The following HMCN1 variants were observed in gnomAD, a reference collection of about 807,000 sequenced individuals.
HMCN1 encodes hemicentin 1.
In HMCN1, 321 loss-of-function variants were observed where a neutral mutation model predicts 625.9. The ratio of observed to expected loss-of-function variants is 0.51; its 90% CI spans 0.47 to 0.56. HMCN1 has a LOEUF of 0.56. Among genes scored for constraint, HMCN1 ranks in the 20% least tolerant of loss-of-function variants. HMCN1 has a pLI of 0.00. For synonymous variants in HMCN1, 2,425 were observed against 2,417.6 expected, an observed-to-expected ratio of 1.00 and a Z score of -0.09; for missense variants, 6,588 against 6,887.3, an observed-to-expected ratio of 0.96 and a Z score of 1.54.
intron 21 of HMCN1, 125 bp downstream of exon 21, chr1:185,989,772 AT>A (rs1156913510): frequency 0.23 from 123,503 of 528,032 alleles, 882 homozygotes; most frequent in South Asian, 0.27. Context: ...CCAGATTTCT[AT>A]TTTTTTTTTT....
chr1:186,157,935 T>A (rs1204470810), intron 97 of HMCN1, among the ~76,000 whole-genome samples: 1 of 152,172 alleles, frequency 6.6e-6, no homozygotes, highest in African/African-American at 2.4e-5. Context: ...GCATCATTTA[T>A]AGTCCTTTGG....
chr1:185,999,331 T>C (rs985382302), intron 25 of HMCN1, among the ~76,000 whole-genome samples: 3 of 152,090 alleles, frequency 2.0e-5, no homozygotes, highest in Non-Finnish European at 4.4e-5. Context: ...TTAGTATAGA[T>C]TTAATGTTTA....
At chr1:186,029,838 C>T (rs1655306770) in intron 36 of HMCN1, among the ~76,000 whole-genome samples, 1 of 151,760 alleles carries the variant, frequency 6.6e-6, no homozygotes, top group South Asian at 2.1e-4. Context: ...GATTTGAGAT[C>T]TTATTTTTTA....
intron 1 of HMCN1, among the ~76,000 whole-genome samples, chr1:185,755,044 A>G (rs2102104587): frequency 6.6e-6 from 1 of 152,254 alleles, no homozygotes; most frequent in East Asian, 1.9e-4. Flanking sequence ...TGGTTAAATT[A>G]ATTAATATAT....
intron 105 of HMCN1, among the ~76,000 whole-genome samples, chr1:186,187,435 C>T (rs1169215181): frequency 6.6e-6 from 1 of 152,152 alleles, no homozygotes; most frequent in Non-Finnish European, 1.5e-5. Context: ...AACAATTTGA[C>T]ATTATAAAAC....
intron 1 of HMCN1, among the ~76,000 whole-genome samples, chr1:185,736,955 A>C (rs770211089): frequency 4.1e-4 from 62 of 152,338 alleles, no homozygotes; most frequent in African/African-American, 1.5e-3. Flanking sequence ...TCAAAGTAGA[A>C]GTGGCCAAAT....
intron 4 of HMCN1, among the ~76,000 whole-genome samples, chr1:185,874,922 T>C (rs911157606): frequency 2.6e-5 from 4 of 151,834 alleles, no homozygotes; most frequent in Non-Finnish European, 5.9e-5. Context: ...GTGAATGCAT[T>C]TGTGAAAATT....
Position 185,958,975 on chromosome 1 carries a change from T to C in HMCN1, c.1829-3543T>C, listed in dbSNP as rs188642270. Among the ~76,000 whole-genome samples the C allele has an allele frequency of 6.8e-4, 103 of 152,302 alleles. 1 individual carries two copies. Among genetic ancestry groups the C allele is most frequent in the East Asian group, 2.7e-3 (14 of 5,182 alleles). On this transcript the variant is annotated intron_variant, in intron 11 of 106. Coordinates refer to ENST00000271588, the MANE Select transcript of HMCN1 (RefSeq NM_031935.3). Reference sequence around the variant, plus strand: ...AGATTTAGTTCCTAATTTTACATAATATACTTTATAGTGTCTGTGAGATCT... The same window carrying C: ...AGATTTAGTTCCTAATTTTACATAACATACTTTATAGTGTCTGTGAGATCT...
chr1:186,107,011 T>C (rs772906963), intron 70 of HMCN1, 46 bp downstream of exon 70: 1 of 1,145,602 alleles, frequency 8.7e-7, no homozygotes, highest in South Asian at 1.2e-5. Context: ...ACACACCTAA[T>C]TAGAAAACCC....
At chr1:185,813,813 A>G (rs1282830577) in intron 1 of HMCN1, among the ~76,000 whole-genome samples, 1 of 152,152 alleles carries the variant, frequency 6.6e-6, no homozygotes, top group Non-Finnish European at 1.5e-5. Flanking sequence ...ATTTTGCTGT[A>G]TTACATTTGA....
In HMCN1 at chr1:186,057,391, G is replaced by A. The variant is rs1461066090; in HGVS notation, c.7302G>A (p.Arg2434=). The A allele has an allele frequency of 6.2e-7, 1 of 1,606,358 alleles. No individual in the cohort carries two copies. Among genetic ancestry groups the A allele is most frequent in the Non-Finnish European group, 8.5e-7 (1 of 1,173,414 alleles). ...GWPVSLSNSV[R]ILSGGRMLRL... Reference sequence around the variant, plus strand: ...CTGTCAGCCTTAGCAATTCTGTGAGGATTCTTTCAGGTATTAGAAATTCTG... The same window carrying A: ...CTGTCAGCCTTAGCAATTCTGTGAGAATTCTTTCAGGTATTAGAAATTCTG... The change falls in exon 46 of 107, where the codon AGG becomes AGA. Residue 2434 remains arginine, a synonymous_variant. Transcript: ENST00000271588.
At chr1:185,993,647 A>T (rs1180931106) in intron 23 of HMCN1, among the ~76,000 whole-genome samples, 1 of 152,098 alleles carries the variant, frequency 6.6e-6, no homozygotes, top group Non-Finnish European at 1.5e-5. Flanking sequence ...AGCTAATACA[A>T]ATTTCAAATA....
At chr1:186,185,350 T>G (rs1390552791) in intron 105 of HMCN1, among the ~76,000 whole-genome samples, 1 of 152,152 alleles carries the variant, frequency 6.6e-6, no homozygotes, top group Non-Finnish European at 1.5e-5. Context: ...GCTAATTGAA[T>G]TTCACATTTT....
intron 20 of HMCN1, 71 bp from the exon 21 acceptor site, chr1:185,989,417 T>C: frequency 1.3e-6 from 2 of 1,549,322 alleles, no homozygotes; most frequent in Non-Finnish European, 1.8e-6. Context: ...CTTCCAGACA[T>C]TGTCACTCTT....
intron 53 of HMCN1, among the ~76,000 whole-genome samples, chr1:186,076,215 C>T (rs1282436383): frequency 6.6e-6 from 1 of 152,144 alleles, no homozygotes; most frequent in African/African-American, 2.4e-5. Context: ...CATTCTGAGC[C>T]TCATACTTCT....
chr1:185,892,347 C>T (rs1482005967), intron 4 of HMCN1, among the ~76,000 whole-genome samples: 1 of 152,068 alleles, frequency 6.6e-6, no homozygotes, highest in African/African-American at 2.4e-5. Context: ...TGTTCCATTG[C>T]TGGTGAGGAG....
chr1:186,070,143 C>T (rs1489903141), intron 51 of HMCN1, among the ~76,000 whole-genome samples: 1 of 152,176 alleles, frequency 6.6e-6, no homozygotes, highest in African/African-American at 2.4e-5. Flanking sequence ...TCATTAGTGA[C>T]TTTGAGCTAT....
At chr1:185,832,291 C>G (rs1416359438) in intron 1 of HMCN1, among the ~76,000 whole-genome samples, 1 of 150,818 alleles carries the variant, frequency 6.6e-6, no homozygotes, top group Non-Finnish European at 1.5e-5. Flanking sequence ...GAAACTCTCT[C>G]AAAAAAACAA....
chr1:186,165,296 C>A, intron 98 of HMCN1, 123 bp downstream of exon 98: 1 of 863,844 alleles, frequency 1.2e-6, no homozygotes, highest in Non-Finnish European at 1.9e-6. Context: ...TGTAAACATC[C>A]CATTTGACAG....
Sources: gnomAD v4.1 joint callset for allele counts (sites outside exome capture counted in the v4.1 genomes callset) on GRCh38, gnomAD v4.1.1 for gene constraint, MANE v1.5 for transcripts, NCBI Gene and HGNC (gene_info 2026-07-23, HGNC 2026-07-21) for gene names.